The following GADL1 variants were observed in gnomAD, a reference collection of about 807,000 sequenced individuals.
GADL1 encodes the protein acidic amino acid decarboxylase GADL1.
In GADL1, 71 loss-of-function variants were observed where a neutral mutation model predicts 69.5. That is an observed-to-expected ratio of 1.02 (90% CI 0.84 to 1.25). The LOEUF (loss-of-function observed/expected upper bound fraction) is 1.25. Among genes scored for constraint, GADL1 ranks in the 50% most tolerant of loss-of-function variants. The pLI is 0.00. For missense variants in GADL1, 737 were observed against 631.8 expected (o/e 1.17, Z -1.79); for synonymous variants, 254 against 214.4 (o/e 1.18, Z -1.62).
chr3:30,768,788 A>C (rs1185465780), intron 14 of GADL1, among the ~76,000 whole-genome samples: 1 of 152,220 alleles, frequency 6.6e-6, no homozygotes, highest in Non-Finnish European at 1.5e-5. Context: ...TTGGTCTGGC[A>C]GAACCGGATA....
At chr3:30,759,374 C>T (rs1233732444) in intron 14 of GADL1, among the ~76,000 whole-genome samples, 1 of 152,214 alleles carries the variant, frequency 6.6e-6, no homozygotes, top group Non-Finnish European at 1.5e-5. Context: ...ACCTCCAGTA[C>T]TTGTTCCTGC....
intron 14 of GADL1, among the ~76,000 whole-genome samples, chr3:30,757,490 C>T (rs939679593): frequency 2.0e-5 from 3 of 152,170 alleles, no homozygotes; most frequent in Non-Finnish European, 2.9e-5. Context: ...GCAGGTATAT[C>T]CTTGCTCACA....
chr3:30,776,441 T>C (rs1424168908), intron 14 of GADL1, among the ~76,000 whole-genome samples: 1 of 152,202 alleles, frequency 6.6e-6, no homozygotes, highest in Non-Finnish European at 1.5e-5. Context: ...CTGAAATGTA[T>C]TCTTAAGCAC....
chr3:30,819,019 G>T (rs1038931243), intron 11 of GADL1, among the ~76,000 whole-genome samples: 1 of 152,028 alleles, frequency 6.6e-6, no homozygotes, highest in African/African-American at 2.4e-5. Flanking sequence ...AACACAGGGG[G>T]CTATCCCAGG....
At chr3:30,887,764 T>C (rs1698729071) in intron 1 of GADL1, among the ~76,000 whole-genome samples, 1 of 152,098 alleles carries the variant, frequency 6.6e-6, no homozygotes, top group Non-Finnish European at 1.5e-5. Context: ...ATTTTAAGAA[T>C]AGAAAAGAAA....
At chr3:30,789,629 A>C (rs908732074) in intron 12 of GADL1, among the ~76,000 whole-genome samples, 1 of 152,210 alleles carries the variant, frequency 6.6e-6, no homozygotes, top group East Asian at 1.9e-4. Context: ...CCTACATTGA[A>C]AACCTGTTTA....
chr3:30,789,700 C>T (rs1696872976), intron 12 of GADL1, among the ~76,000 whole-genome samples: 1 of 152,186 alleles, frequency 6.6e-6, no homozygotes, highest in Non-Finnish European at 1.5e-5. Flanking sequence ...TCAGTTTCTC[C>T]ATGAGCATTT....
At chr3:30,865,260 G>A (rs1698383392) in intron 1 of GADL1, among the ~76,000 whole-genome samples, 1 of 148,896 alleles carries the variant, frequency 6.7e-6, no homozygotes, top group South Asian at 2.1e-4. Context: ...GACTACCATG[G>A]GATATATAAT....
At chr3:30,850,149 G>T (rs573090148) in intron 5 of GADL1, 38 bp from the exon 6 acceptor site, 6 of 1,140,360 alleles carry the variant, frequency 5.3e-6, no homozygotes, top group African/African-American at 4.6e-5. Flanking sequence ...TTTATAGCAT[G>T]AAGTTATAGC....
At chr3:30,760,221 C>A (rs6805561) in intron 14 of GADL1, among the ~76,000 whole-genome samples, 33,489 of 152,046 alleles carry the variant, frequency 0.22, 4,442 homozygotes, top group Non-Finnish European at 0.29. Context: ...GCACAATCAT[C>A]TTCCTCGAGG....
rs774986180 is a variant in GADL1, at chr3:30,850,081, T to C, written c.566A>G (p.Asn189Ser). 4.3e-6 allele frequency: 7 copies of C among 1,609,256 alleles called. No individual in the cohort carries two copies. The highest frequency in any genetic ancestry group is 5.1e-6 in the Non-Finnish European group (6 of 1,176,032). The change falls in exon 6 of 15, where the codon AAT (asparagine) becomes AGT (serine). Residue 189 changes from asparagine to serine, a missense_variant. By Grantham distance (46) the Asn-to-Ser change is conservative. Transcript: ENST00000282538. Reference protein sequence around the residue: ...GGSVSNMYAMNLARYKYCPDI... With the variant: ...GGSVSNMYAMSLARYKYCPDI... ...AGGACAATATTTGTATCTAGCTAAA[T>C]TCATTGCATACATATTGGACACTGA...
At chr3:30,880,281 G>T (rs1311146874) in intron 1 of GADL1, among the ~76,000 whole-genome samples, 1 of 151,820 alleles carries the variant, frequency 6.6e-6, no homozygotes, top group African/African-American at 2.4e-5. Context: ...TATACAGGAG[G>T]ATGTGCACAG....
Position 30,786,396 on chromosome 3 carries a change from C to A in GADL1, c.1261G>T (p.Asp421Tyr), listed in dbSNP as rs1285622393. Residue 421 changes from aspartate (D) to tyrosine (Y), a missense_variant, in exon 13 of 15, where the codon GAT becomes TAT. Coordinates refer to ENST00000282538, the MANE Select transcript of GADL1 (RefSeq NM_207359.3). ...AATCCTTCTCTTTTCTTGATTTCAT[C>A]TACTAGGTACCTAAAATTAAAAGTC... ...RALALSRYLVDEIKKREGFKL... is the reference protein window; with the variant it reads ...RALALSRYLVYEIKKREGFKL... 6.8e-7 allele frequency: 1 copy of A among 1,472,082 alleles called. No individual in the cohort carries two copies. The highest frequency in any genetic ancestry group is 9.5e-7 in the Non-Finnish European group (1 of 1,053,106). 91.2% of individuals were successfully genotyped at this position (1,472,082 alleles called of 1,614,324 possible).
At chr3:30,872,528 G>T (rs1290869019) in intron 1 of GADL1, among the ~76,000 whole-genome samples, 4 of 151,800 alleles carry the variant, frequency 2.6e-5, no homozygotes, top group Non-Finnish European at 5.9e-5. Flanking sequence ...TAAATAGAAG[G>T]CCTGTTTTTA....
At chr3:30,729,908 C>T (rs9824314) in intron 14 of GADL1, among the ~76,000 whole-genome samples, 48,224 of 151,932 alleles carry the variant, frequency 0.32, 8,348 homozygotes, top group African/African-American at 0.45. Context: ...TAGCAAAAAA[C>T]TGGAAGTTTC....
At chr3:30,747,607 A>AGTTT (rs200376245) in intron 14 of GADL1, among the ~76,000 whole-genome samples, 2 of 152,136 alleles carry the variant, frequency 1.3e-5, no homozygotes, top group Non-Finnish European at 2.9e-5. Flanking sequence ...ATGGATTTTT[A>AGTTT]GTTTGTTTGT....
chr3:30,744,386 A>G (rs1430233472), intron 14 of GADL1, among the ~76,000 whole-genome samples: 2 of 152,212 alleles, frequency 1.3e-5, no homozygotes. Context: ...GATAATATCA[A>G]TCAATAATAC....
chr3:30,854,181 G>C (rs1472208856), intron 4 of GADL1, among the ~76,000 whole-genome samples: 1 of 152,114 alleles, frequency 6.6e-6, no homozygotes, highest in African/African-American at 2.4e-5. Context: ...CACTTATTCA[G>C]TGTCAACTGT....
At chr3:30,749,306 A>G (rs1000826067) in intron 14 of GADL1, among the ~76,000 whole-genome samples, 2 of 152,236 alleles carry the variant, frequency 1.3e-5, no homozygotes, top group Admixed American at 6.5e-5. Context: ...GAAAGCCTCA[A>G]TCATAGGCCA....
Sources: gnomAD v4.1 joint callset for allele counts (sites outside exome capture counted in the v4.1 genomes callset) on GRCh38, gnomAD v4.1.1 for gene constraint, MANE v1.5 for transcripts, NCBI Gene and HGNC (gene_info 2026-07-23, HGNC 2026-07-21) for gene names.